The following TMEM132D variants were observed in gnomAD, a reference collection of about 807,000 sequenced individuals.
The protein encoded by TMEM132D is transmembrane protein 132D, also known as mature OL transmembrane protein.
TMEM132D carries 21 observed loss-of-function variants against 62.3 expected under a neutral mutation model. The ratio of observed to expected loss-of-function variants is 0.34; its 90% CI spans 0.24 to 0.49. The LOEUF is 0.49. TMEM132D is among the 20% of genes least tolerant of loss of function. The probability of loss-of-function intolerance (pLI) is 0.99; values close to 1 mark genes in which losing one functional copy is unlikely to be tolerated. For missense variants in TMEM132D, 1,346 were observed against 1,402.8 expected (o/e 0.96, Z 0.65); for synonymous variants, 621 against 575.6 (o/e 1.08, Z -1.13).
At chr12:129,353,108 TGCCTCCCTCCC>T (rs1869923165) in intron 3 of TMEM132D, among the ~76,000 whole-genome samples, 2 of 88,786 alleles carry the variant, frequency 2.3e-5, no homozygotes, top group Non-Finnish European at 4.4e-5. Context: ...CCTCCCTCCC[TGCCTCCCTCCC>T]TCCCTTCCTT....
intron 3 of TMEM132D, among the ~76,000 whole-genome samples, chr12:129,429,021 TCAA>T (rs1872574437): frequency 6.6e-6 from 1 of 152,202 alleles, no homozygotes; most frequent in African/African-American, 2.4e-5. Flanking sequence ...CCAAAGTCCT[TCAA>T]GTTACTCACT....
intron 3 of TMEM132D, among the ~76,000 whole-genome samples, chr12:129,447,642 G>T (rs1216617408): frequency 3.3e-5 from 5 of 152,124 alleles, no homozygotes; most frequent in African/African-American, 7.2e-5. Flanking sequence ...CTTGCCAAAA[G>T]GTTCATTGCT....
chr12:129,770,518 T>C (rs945197995), intron 1 of TMEM132D, among the ~76,000 whole-genome samples: 16 of 152,190 alleles, frequency 1.1e-4, no homozygotes, highest in Non-Finnish European at 2.1e-4. Context: ...AGAAATTCTT[T>C]CAGCTCATCT....
intron 1 of TMEM132D, among the ~76,000 whole-genome samples, chr12:129,806,768 G>T (rs1871999404): frequency 6.6e-6 from 1 of 152,188 alleles, no homozygotes; most frequent in South Asian, 2.1e-4. Flanking sequence ...GTTCAGGCCT[G>T]AGATCCCAGC....
intron 3 of TMEM132D, among the ~76,000 whole-genome samples, chr12:129,353,704 C>T (rs762953529): frequency 3.3e-5 from 5 of 152,158 alleles, no homozygotes; most frequent in Non-Finnish European, 7.3e-5. Context: ...TTAGTTTTGC[C>T]CACTGGTGTG....
intron 4 of TMEM132D, among the ~76,000 whole-genome samples, chr12:129,326,921 G>T (rs1330451118): frequency 2.0e-5 from 3 of 151,880 alleles, no homozygotes; most frequent in Non-Finnish European, 4.4e-5. Context: ...TTGGGGGCAG[G>T]AACAGCACCG....
At chr12:129,573,642 T>C (rs1415317561) in intron 2 of TMEM132D, among the ~76,000 whole-genome samples, 1 of 151,426 alleles carries the variant, frequency 6.6e-6, no homozygotes, top group Admixed American at 6.6e-5. Flanking sequence ...TTTTCTTTGT[T>C]CAAATATTCA....
intron 4 of TMEM132D, among the ~76,000 whole-genome samples, chr12:129,229,851 C>T (rs1487999255): frequency 6.6e-6 from 1 of 152,184 alleles, no homozygotes; most frequent in Non-Finnish European, 1.5e-5. Context: ...TCTTGATTAT[C>T]TGTGCTGATG....
chr12:129,188,754 GGAGAGAGGGAGAGAGAGAGAGAGA>G lies in TMEM132D; in HGVS notation c.1443+20742_1443+20765del, dbSNP rs1227064628. ...GAGAGGGAAGGAGGGAGAGGGGGAG[GGAGAGAGGGAGAGAGAGAGAGAGA>G]GAGAGAGAGAGAGAGAGAGAGAAAG... On this transcript the variant is annotated intron_variant, in intron 5 of 8. Transcript: ENST00000422113. Among the ~76,000 whole-genome samples, 962 of 122,584 alleles carry G rather than the reference GGAGAGAGGGAGAGAGAGAGAGAGA, an allele frequency of 7.8e-3. 27 individuals are homozygous for G. The highest frequency in any genetic ancestry group is 0.056 in the East Asian group (251 of 4,456). The allele number at this position is 122,584 out of a possible 152,430, so 80.4% of individuals were successfully genotyped here. A position where few individuals can be genotyped will look rare whatever the true frequency, so the allele number is the denominator to read the frequency against.
At chr12:129,087,535 G>A (rs554224156) in intron 5 of TMEM132D, among the ~76,000 whole-genome samples, 7 of 151,466 alleles carry the variant, frequency 4.6e-5, no homozygotes, top group Non-Finnish European at 7.4e-5. Flanking sequence ...ACTGCAGCGG[G>A]AGAAGAAGGT....
intron 1 of TMEM132D, among the ~76,000 whole-genome samples, chr12:129,807,121 T>A (rs1872017389): frequency 6.6e-6 from 1 of 152,186 alleles, no homozygotes; most frequent in African/African-American, 2.4e-5. Flanking sequence ...CATGAAGATT[T>A]TCTGAATTCC....
intron 3 of TMEM132D, among the ~76,000 whole-genome samples, chr12:129,442,965 A>C (rs78892060): frequency 0.019 from 2,850 of 152,198 alleles, 65 homozygotes; most frequent in African/African-American, 0.051. Context: ...ACCTCGCCCA[A>C]GATCATGCTC....
At position 129,872,112 on chromosome 12, in the gene TMEM132D, C is replaced by G. The variant is rs141584483; in HGVS notation, c.79+31149G>C. 1.8e-4 allele frequency among the ~76,000 whole-genome samples: 27 copies of G among 152,346 alleles called. No homozygotes were observed. The East Asian group carries it at 5.0e-3, about 28-fold the overall frequency. ...AAGTCCCTTCCACCAACCTCAATCA[C>G]AGACCAATAAAAGATCACTTTCCAG... On this transcript the variant is annotated intron_variant, in intron 1 of 8. Transcript: ENST00000422113.
intron 1 of TMEM132D, among the ~76,000 whole-genome samples, chr12:129,881,470 A>G (rs1443010965): frequency 3.3e-5 from 5 of 152,088 alleles, no homozygotes; most frequent in African/African-American, 1.2e-4. Context: ...CTCAAAAAAT[A>G]TAAATGCATT....
chr12:129,185,885 T>A (rs1878210083), intron 5 of TMEM132D, among the ~76,000 whole-genome samples: 1 of 152,186 alleles, frequency 6.6e-6, no homozygotes, highest in East Asian at 1.9e-4. Flanking sequence ...ATATAGAACT[T>A]CTGATACAAT....
chr12:129,311,091 G>A (rs187548266), intron 4 of TMEM132D, among the ~76,000 whole-genome samples: 1,674 of 130,512 alleles, frequency 0.013, 204 homozygotes, highest in Non-Finnish European at 0.018. Flanking sequence ...CCAGCTACTC[G>A]GGAGGCTGAG....
intron 6 of TMEM132D, 35 bp downstream of exon 6, chr12:129,084,462 C>A (rs2135619315): frequency 6.4e-7 from 1 of 1,555,990 alleles, no homozygotes; most frequent in East Asian, 2.3e-5. Flanking sequence ...ACACTTCCTC[C>A]TTAGCCTGCC....
chr12:129,251,021 G>A (rs992497290), intron 4 of TMEM132D, among the ~76,000 whole-genome samples: 5 of 152,172 alleles, frequency 3.3e-5, no homozygotes, highest in African/African-American at 1.2e-4. Context: ...GCCTTGTGCA[G>A]CAATCACCAT....
intron 1 of TMEM132D, among the ~76,000 whole-genome samples, chr12:129,795,669 GTT>G (rs973897644): frequency 1.3e-5 from 2 of 152,092 alleles, no homozygotes; most frequent in African/African-American, 4.8e-5. Flanking sequence ...CTATCTTACA[GTT>G]TTTCTCTCTT....
Sources: gnomAD v4.1 joint callset for allele counts (sites outside exome capture counted in the v4.1 genomes callset) on GRCh38, gnomAD v4.1.1 for gene constraint, MANE v1.5 for transcripts, NCBI Gene and HGNC (gene_info 2026-07-23, HGNC 2026-07-21) for gene names.